The following KCNMB3 variants were observed in gnomAD, a reference collection of about 807,000 sequenced individuals.
The protein encoded by KCNMB3 is potassium calcium-activated channel subfamily M regulatory beta subunit 3.
A neutral mutation model predicts 11.9 loss-of-function variants in KCNMB3; 18 were observed. The observed-to-expected ratio is 1.51, with a 90% CI of 1.04 to 2.23. The LOEUF is 2.23. Ranked by LOEUF, KCNMB3 falls within the 30% of genes most tolerant of loss-of-function variation. The pLI is 0.00. For synonymous variants in KCNMB3, 78 were observed against 119.2 expected (o/e 0.65, Z 2.25); for missense variants, 247 against 329.4 (o/e 0.75, Z 1.94).
intron 1 of KCNMB3, among the ~76,000 whole-genome samples, chr3:179,263,807 T>C (rs1024068169): frequency 1.5e-5 from 2 of 130,044 alleles, no homozygotes; most frequent in South Asian, 2.7e-4. Flanking sequence ...TTTCTTTTTT[T>C]TTTTTTTTTT....
intron 1 of KCNMB3, among the ~76,000 whole-genome samples, chr3:179,256,745 A>G (rs1726022987): frequency 6.6e-6 from 1 of 152,218 alleles, no homozygotes. Flanking sequence ...GCAATAAAGA[A>G]GAGGGAAAAA....
chr3:179,243,801 G>T (rs549252215), intron 2 of KCNMB3, among the ~76,000 whole-genome samples: 51 of 152,286 alleles, frequency 3.3e-4, no homozygotes, highest in African/African-American at 1.2e-3. Context: ...GTGGAGAAGG[G>T]AGCTCTGTCA....
chr3:179,260,375 G>A lies in KCNMB3; in HGVS notation c.62+6274C>T. On this transcript the variant is annotated intron_variant, in intron 1 of 3. Transcript: ENST00000349697. ...CACCTGCTAAGGTTCCTAGGAATGG[G>A]GCAGTGTCTTCAGAGGATTTCTGGT... 6.8e-6 allele frequency: 11 copies of A among 1,613,932 alleles called. No homozygotes were observed. The South Asian group carries it at 9.9e-5, about 15-fold the overall frequency.
chr3:179,244,822 T>C (rs769067017), intron 1 of KCNMB3, 129 bp from the exon 2 acceptor site: 2 of 773,400 alleles, frequency 2.6e-6, no homozygotes, highest in Admixed American at 2.5e-5. Context: ...TATTTTGAGG[T>C]GGTGCAGGAT....
At chr3:179,265,430 C>T (rs1017514580) in intron 1 of KCNMB3, among the ~76,000 whole-genome samples, 6 of 152,116 alleles carry the variant, frequency 3.9e-5, no homozygotes, top group Non-Finnish European at 7.4e-5. Context: ...AGTGAGTGAA[C>T]CTGGTTCTGA....
intron 1 of KCNMB3, among the ~76,000 whole-genome samples, chr3:179,258,565 G>T (rs1726098656): frequency 6.6e-6 from 1 of 152,126 alleles, no homozygotes; most frequent in African/African-American, 2.4e-5. Context: ...AATCAAATAT[G>T]AAAGTACACA....
chr3:179,260,647 A>G, intron 1 of KCNMB3: 1 of 1,334,400 alleles, frequency 7.5e-7, no homozygotes, highest in Non-Finnish European at 1.1e-6. Flanking sequence ...GAGTGTCGGA[A>G]GTCTCTCCAT....
downstream of KCNMB3, chr3:179,241,878 ATC>A (rs1725469431): frequency 6.5e-6 from 1 of 154,218 alleles, no homozygotes; most frequent in African/African-American, 2.4e-5. Flanking sequence ...GATGTGGATC[ATC>A]TGAGATGAAT....
At chr3:179,252,374 T>C (rs1284357678), upstream of KCNMB3, among the ~76,000 whole-genome samples, 2 of 152,190 alleles carry the variant, frequency 1.3e-5, no homozygotes, top group Non-Finnish European at 2.9e-5. Flanking sequence ...CTTACTGCAT[T>C]TTAAAGTCAA....
chr3:179,245,514 T>TGG (rs11364967), intron 1 of KCNMB3, among the ~76,000 whole-genome samples: 5 of 147,594 alleles, frequency 3.4e-5, no homozygotes, highest in Non-Finnish European at 6.0e-5. Context: ...TTAATTTTTT[T>TGG]GGGGGGGGGG....
intron 1 of KCNMB3, chr3:179,259,681 T>A (rs201038141): frequency 2.5e-6 from 4 of 1,606,272 alleles, no homozygotes; most frequent in Non-Finnish European, 3.4e-6. Flanking sequence ...TAAACATCTT[T>A]AAGGGTTTCT....
At chr3:179,259,970 A>G in intron 1 of KCNMB3, 2 of 1,612,424 alleles carry the variant, frequency 1.2e-6, no homozygotes, top group South Asian at 2.2e-5. Flanking sequence ...CTGCTTCTGT[A>G]CTCTGCACTG....
chr3:179,252,619 C>T (rs1326849351), upstream of KCNMB3, among the ~76,000 whole-genome samples: 1 of 151,688 alleles, frequency 6.6e-6, no homozygotes, highest in African/African-American at 2.4e-5. Flanking sequence ...CTTTGGGACC[C>T]GAGGATCTAG....
Position 179,259,496 on chromosome 3 carries a change from C to A in KCNMB3, c.62+7153G>T, listed in dbSNP as rs1279819922. On this transcript the variant is annotated intron_variant, in intron 1 of 3. Transcript: ENST00000349697. ...CTTGGTCAAGTTTTCCATCCAACTTCATTTTAGGATTCTCTGGACAATCAA... is the reference window on the plus strand; with the variant it reads ...CTTGGTCAAGTTTTCCATCCAACTTAATTTTAGGATTCTCTGGACAATCAA... 15 of 1,612,458 alleles carry A rather than the reference C, an allele frequency of 9.3e-6. No individual in the cohort carries two copies. The East Asian group carries it at 3.3e-4, about 36-fold the overall frequency.
At chr3:179,253,843 T>A (rs1725928092), upstream of KCNMB3, among the ~76,000 whole-genome samples, 1 of 152,054 alleles carries the variant, frequency 6.6e-6, no homozygotes, top group African/African-American at 2.4e-5. Flanking sequence ...AAAATTTTTT[T>A]AAAAAGCCCA....
At chr3:179,254,944 C>A (rs183729731), upstream of KCNMB3, among the ~76,000 whole-genome samples, 375 of 152,278 alleles carry the variant, frequency 2.5e-3, 1 homozygote, top group African/African-American at 8.5e-3. Flanking sequence ...GCAGGTGGAT[C>A]ACCTGAGGTC....
chr3:179,251,030 GCCTA>G lies in KCNMB3; in HGVS notation c.-44_-41del, dbSNP rs1466698080. 5 of 1,614,086 alleles carry G rather than the reference GCCTA, an allele frequency of 3.1e-6. No homozygotes were observed. The highest frequency in any genetic ancestry group is 4.2e-6 in the Non-Finnish European group (5 of 1,180,050). Reference sequence around the variant, plus strand: ...GACTGGAGGGATAATCTCATTTGCTGCCTACCTGTGTCTCGTGAGCAGGATGAAT... The same window carrying G: ...GACTGGAGGGATAATCTCATTTGCTGCCTGTGTCTCGTGAGCAGGATGAAT... On this transcript the variant is annotated 5_prime_UTR_variant, in exon 1 of 3. The change abolishes the stop of an existing upstream ORF in the 5' untranslated region. Transcript: ENST00000392685.
At chr3:179,260,991 T>C (rs764021691) in intron 1 of KCNMB3, 62 of 981,064 alleles carry the variant, frequency 6.3e-5, no homozygotes, top group Non-Finnish European at 8.8e-5. Context: ...TCGGTGTCGA[T>C]GGATATAGAG....
chr3:179,249,008 T>TA (rs1159469029), intron 1 of KCNMB3, among the ~76,000 whole-genome samples: 1 of 53,752 alleles, frequency 1.9e-5, no homozygotes, highest in African/African-American at 9.8e-5. Context: ...ACCCCGTCTC[T>TA]TTTTTTTTTT....
Sources: gnomAD v4.1 joint callset for allele counts (sites outside exome capture counted in the v4.1 genomes callset) on GRCh38, gnomAD v4.1.1 for gene constraint, MANE v1.5 for transcripts, NCBI Gene and HGNC (gene_info 2026-07-23, HGNC 2026-07-21) for gene names.